The following DLG2 variants were observed in gnomAD, a reference collection of about 807,000 sequenced individuals.
The protein encoded by DLG2 is discs large MAGUK scaffold protein 2, also known as disks large homolog 2.
A neutral mutation model predicts 132.5 loss-of-function variants in DLG2; 45 were observed. The observed-to-expected ratio is 0.34, with a 90% CI of 0.27 to 0.44. The LOEUF (loss-of-function observed/expected upper bound fraction) is 0.44, where lower values mean the gene tolerates loss of function less well. Among genes scored for constraint, DLG2 ranks in the 20% least tolerant of loss-of-function variants. DLG2 has a pLI of 1.00. For synonymous variants in DLG2, 424 were observed against 419.6 expected, an observed-to-expected ratio of 1.01 and a Z score of -0.13; for missense variants, 1,045 against 1,196.9, an observed-to-expected ratio of 0.87 and a Z score of 1.87.
chr11:83,502,020 G>A (rs2094470092), intron 21 of DLG2, among the ~76,000 whole-genome samples: 1 of 152,092 alleles, frequency 6.6e-6, no homozygotes, highest in South Asian at 2.1e-4. Flanking sequence ...AATAATGTGT[G>A]GAACCAAATA....
At chr11:84,226,667 CAA>C (rs1222143189) in intron 8 of DLG2, among the ~76,000 whole-genome samples, 1 of 151,896 alleles carries the variant, frequency 6.6e-6, no homozygotes, top group Non-Finnish European at 1.5e-5. Flanking sequence ...TTTTAACTAT[CAA>C]AAAAACAAAA....
Position 83,584,354 on chromosome 11 carries a change from G to T in DLG2, c.1941-42496C>A, listed in dbSNP as rs1045258120. On this transcript the variant is annotated intron_variant, in intron 19 of 27. Coordinates refer to ENST00000376104, the MANE Select transcript of DLG2 (RefSeq NM_001142699.3). Reference sequence around the variant, plus strand: ...ATGATGTAAAGGAGTTGATAGCCCAGTTCCATATAACAATACGGCTAGCAT... The same window carrying T: ...ATGATGTAAAGGAGTTGATAGCCCATTTCCATATAACAATACGGCTAGCAT... Among the ~76,000 whole-genome samples the T allele has an allele frequency of 3.3e-5, 5 of 152,296 alleles. No individual in the cohort carries two copies. In the East Asian group the frequency reaches 9.6e-4, roughly 29 times the overall value.
At chr11:85,583,124 G>GTATATATA (rs1565717537) in intron 3 of DLG2, among the ~76,000 whole-genome samples, 5 of 41,058 alleles carry the variant, frequency 1.2e-4, no homozygotes, top group Admixed American at 3.0e-4. Flanking sequence ...GTGTGTGTGT[G>GTATATATA]TGTGTGTATA....
At chr11:83,821,383 T>C (rs1450146130) in intron 17 of DLG2, among the ~76,000 whole-genome samples, 1 of 152,204 alleles carries the variant, frequency 6.6e-6, no homozygotes, top group Non-Finnish European at 1.5e-5. Context: ...ATGAAGAAGA[T>C]AAGATGATAC....
rs891333893 is a variant in DLG2 at position 84,443,592 on chromosome 11, C to T, written c.519+90978G>A. 2.6e-5 allele frequency among the ~76,000 whole-genome samples: 4 copies of T among 152,050 alleles called. No homozygotes were observed. The East Asian group carries it at 5.8e-4, about 22-fold the overall frequency. ...CAGTGTAATCAGACATTCATGTTTC[C>T]GAAACATAATATATAATGTTAACTC... is the stretch of plus-strand genomic sequence containing the variant. On this transcript the variant is annotated intron_variant, in intron 7 of 27. Transcript: ENST00000376104.
rs548357356 is a variant in DLG2 at position 85,544,245 on chromosome 11, G to A, written c.40+54412C>T. 1.5e-4 allele frequency among the ~76,000 whole-genome samples: 23 copies of A among 152,208 alleles called. No homozygotes were observed. The South Asian group carries it at 4.8e-3, about 32-fold the overall frequency. On this transcript the variant is annotated intron_variant, in intron 3 of 27. Coordinates refer to ENST00000376104, the MANE Select transcript of DLG2 (RefSeq NM_001142699.3). The stretch of plus-strand genomic sequence containing the variant: ...TTTCCCAAGACCACTTATTAAATAG[G>A]GAATCCTTTCCCCAATGCTTGCTTT...
At chr11:84,163,342 G>A in intron 9 of DLG2, 119 bp downstream of exon 9, 1 of 858,298 alleles carries the variant, frequency 1.2e-6, no homozygotes, top group Non-Finnish European at 1.7e-6. Flanking sequence ...TGTGAGTCCT[G>A]TGGGAAACTT....
intron 18 of DLG2, among the ~76,000 whole-genome samples, chr11:83,719,050 T>C (rs1245700596): frequency 6.6e-6 from 1 of 152,126 alleles, no homozygotes; most frequent in Non-Finnish European, 1.5e-5. Flanking sequence ...ACCTACTGAG[T>C]GAGAATCCCT....
chr11:84,055,887 AT>A (rs1448894908), intron 11 of DLG2, among the ~76,000 whole-genome samples: 1 of 152,114 alleles, frequency 6.6e-6, no homozygotes, highest in Non-Finnish European at 1.5e-5. Flanking sequence ...TGCCAGGTAC[AT>A]ACTAAACAAT....
chr11:83,855,864 G>A (rs1415759606), intron 16 of DLG2, among the ~76,000 whole-genome samples: 1 of 152,074 alleles, frequency 6.6e-6, no homozygotes, highest in East Asian at 1.9e-4. Context: ...GGATACATAT[G>A]CAGGTTTGCT....
intron 7 of DLG2, among the ~76,000 whole-genome samples, chr11:84,413,025 T>C (rs2098915206): frequency 6.6e-6 from 1 of 152,192 alleles, no homozygotes; most frequent in South Asian, 2.1e-4. Flanking sequence ...ACAGACAATT[T>C]GAAAGCTAGA....
rs77700378 is a variant in DLG2, at chr11:85,151,898, G to C, written c.282+2658C>G. ...TCGGAACTAACGCTTTTAAAATAAG[G>C]ATCATGGGAAGCATTTAATGTAAAC... On this transcript the variant is annotated intron_variant, in intron 5 of 27. Transcript: ENST00000376104. 9.3e-4 allele frequency among the ~76,000 whole-genome samples: 142 copies of C among 152,260 alleles called. 4 individuals are homozygous for C. The East Asian group carries it at 0.025, about 27-fold the overall frequency.
chr11:85,323,612 CTG>C (rs2081235363), intron 3 of DLG2, among the ~76,000 whole-genome samples: 1 of 152,200 alleles, frequency 6.6e-6, no homozygotes, highest in Admixed American at 6.5e-5. Context: ...TTCTACCTAA[CTG>C]TATTTTTCTA....
chr11:84,054,720 C>A (rs2096466307), intron 11 of DLG2, among the ~76,000 whole-genome samples: 1 of 151,926 alleles, frequency 6.6e-6, no homozygotes, highest in African/African-American at 2.4e-5. Context: ...TTGCAATAGA[C>A]CAAATCAATA....
chr11:84,934,516 T>C (rs202066099), intron 6 of DLG2, among the ~76,000 whole-genome samples: 2 of 48,808 alleles, frequency 4.1e-5, no homozygotes, highest in Admixed American at 4.7e-4. Flanking sequence ...TTTTTTTTTG[T>C]TTTGTTTTGT....
At chr11:83,684,358 C>G (rs975201591) in intron 18 of DLG2, 1 of 152,144 alleles carries the variant, frequency 6.6e-6, no homozygotes, top group South Asian at 2.1e-4. Context: ...CAGGTTTAGA[C>G]ATGAGAGATT....
chr11:85,426,607 C>T (rs1195238066), intron 3 of DLG2, among the ~76,000 whole-genome samples: 4 of 152,104 alleles, frequency 2.6e-5, no homozygotes, highest in African/African-American at 7.2e-5. Context: ...AAAGGACATC[C>T]ACACCAAAAC....
intron 18 of DLG2, among the ~76,000 whole-genome samples, chr11:83,662,618 C>G (rs1845593877): frequency 6.6e-6 from 1 of 152,184 alleles, no homozygotes; most frequent in African/African-American, 2.4e-5. Flanking sequence ...CTATTTATCC[C>G]TGTACTCTCA....
chr11:84,249,143 A>C (rs1307309385), intron 8 of DLG2, among the ~76,000 whole-genome samples: 1 of 152,194 alleles, frequency 6.6e-6, no homozygotes, highest in East Asian at 1.9e-4. Flanking sequence ...CACCACAAGA[A>C]AGTGGTCTTA....
Sources: allele counts gnomAD v4.1 joint callset (sites outside exome capture counted in the v4.1 genomes callset), GRCh38; gene constraint gnomAD v4.1.1; transcripts MANE v1.5; gene names NCBI Gene and HGNC (gene_info 2026-07-23, HGNC 2026-07-21).